SPMIP6: variants seen among roughly 807,000 people sequenced by gnomAD.
SPMIP6 encodes the protein ciliated bronchial epithelial protein 1.
the SPMIP6 span, among the ~76,000 whole-genome samples, chr9:34,382,510 A>G: frequency 6.6e-6 from 1 of 152,044 alleles, no homozygotes; most frequent in South Asian, 2.1e-4. Flanking sequence ...GCTTGAACCC[A>G]GGAGGCAGAG....
the SPMIP6 span, chr9:34,382,622 C>A: frequency 1.5e-6 from 1 of 676,376 alleles, no homozygotes; most frequent in South Asian, 1.7e-5. Flanking sequence ...TTCACAGATG[C>A]GGAAGAGCTC....
chr9:34,388,922 C>G, the SPMIP6 span, among the ~76,000 whole-genome samples: 8 of 114,942 alleles, frequency 7.0e-5, no homozygotes, highest in Admixed American at 7.9e-4. Flanking sequence ...CATTTCTTTC[C>G]TCTCTCTTTC....
the SPMIP6 span, chr9:34,380,585 G>C: frequency 7.1e-7 from 1 of 1,414,938 alleles, no homozygotes; most frequent in Non-Finnish European, 9.3e-7. Flanking sequence ...TGATGTGCGG[G>C]GTTTCTTCCT....
At chr9:34,394,840 C>T in the SPMIP6 span, among the ~76,000 whole-genome samples, 1 of 152,178 alleles carries the variant, frequency 6.6e-6, no homozygotes, top group Admixed American at 6.5e-5. Context: ...TACCACTCAT[C>T]TCCATGAGAC....
At chr9:34,379,131 T>C in the SPMIP6 span, 33 of 1,613,866 alleles carry the variant, frequency 2.0e-5, no homozygotes, top group East Asian at 5.1e-4. This position sits in a 1 kb window ranked among gnomAD's most constrained non-coding sequence, Gnocchi z 4.2. Flanking sequence ...ATGGATAACA[T>C]AGTTGTTTCT....
chr9:34,379,149 C>T, the SPMIP6 span: 1 of 1,613,558 alleles, frequency 6.2e-7, no homozygotes, highest in South Asian at 1.1e-5. This position sits in a 1 kb window ranked among gnomAD's most constrained non-coding sequence, Gnocchi z 4.2. Flanking sequence ...TCTCTGGGGA[C>T]CACCAGACTT....
chr9:34,379,331 G>A, the SPMIP6 span: 1 of 642,644 alleles, frequency 1.6e-6, no homozygotes, highest in Non-Finnish European at 2.8e-6. This position sits in a 1 kb window ranked among gnomAD's most constrained non-coding sequence, Gnocchi z 4.2. Flanking sequence ...AGGTTCTACT[G>A]TTAAGTTGCT....
chr9:34,394,736 C>CTCTA, the SPMIP6 span, among the ~76,000 whole-genome samples: 1 of 152,124 alleles, frequency 6.6e-6, no homozygotes, highest in Non-Finnish European at 1.5e-5. Context: ...GATTTAATTC[C>CTCTA]TCTATCTTTC....
chr9:34,382,769 A>T, the SPMIP6 span: 200 of 1,613,580 alleles, frequency 1.2e-4, 1 homozygote, highest in Non-Finnish European at 1.6e-4. Flanking sequence ...GCAGCCGAGG[A>T]AGGTAGGTGG....
At chr9:34,394,139 T>A in the SPMIP6 span, among the ~76,000 whole-genome samples, 5 of 152,256 alleles carry the variant, frequency 3.3e-5, no homozygotes, top group Middle Eastern at 3.4e-3. Context: ...TTCACATTTT[T>A]AAAAAATCAT....
the SPMIP6 span, chr9:34,379,530 GCCTGTCAGTGCA>G: frequency 1.1e-6 from 1 of 907,638 alleles, no homozygotes; most frequent in Non-Finnish European, 1.8e-6. The surrounding 1 kb of genome is among the most constrained non-coding windows in gnomAD (Gnocchi z 4.2). Context: ...CGTGGTATGT[GCCTGTCAGTGCA>G]CCGCGGAGCG....
chr9:34,385,564 TAGAG>T, the SPMIP6 span: 1 of 659,558 alleles, frequency 1.5e-6, no homozygotes, highest in Non-Finnish European at 2.4e-6. Context: ...AAAAAAAGGA[TAGAG>T]GTCACGATCC....
the SPMIP6 span, among the ~76,000 whole-genome samples, chr9:34,397,170 C>T: frequency 6.6e-6 from 1 of 152,160 alleles, no homozygotes; most frequent in East Asian, 1.9e-4. Context: ...TTTATTGTCA[C>T]CTTGAGAGAG....
chr9:34,392,469 G>A, the SPMIP6 span, among the ~76,000 whole-genome samples: 2 of 145,030 alleles, frequency 1.4e-5, no homozygotes, highest in South Asian at 2.1e-4. The surrounding 1 kb of genome is among the most constrained non-coding windows in gnomAD (Gnocchi z 4.6). Flanking sequence ...GTGTGTGTGT[G>A]TGTGTGTTTA....
the SPMIP6 span, chr9:34,379,120 G>T: frequency 6.2e-7 from 1 of 1,613,774 alleles, no homozygotes; most frequent in Non-Finnish European, 8.5e-7. This position sits in a 1 kb window ranked among gnomAD's most constrained non-coding sequence, Gnocchi z 4.2. Flanking sequence ...ACAAACTCAG[G>T]ATGGATAACA....
the SPMIP6 span, chr9:34,382,879 A>G: frequency 6.5e-7 from 1 of 1,545,648 alleles, no homozygotes; most frequent in Non-Finnish European, 8.9e-7. Flanking sequence ...GCTGGATAAT[A>G]GGGGTGGAGA....
chr9:34,396,458 C>T, the SPMIP6 span, among the ~76,000 whole-genome samples: 10 of 152,182 alleles, frequency 6.6e-5, no homozygotes, highest in Non-Finnish European at 1.5e-4. Flanking sequence ...CCTGCAATTC[C>T]CTGACACTGT....
At chr9:34,384,975 G>A in the SPMIP6 span, among the ~76,000 whole-genome samples, 1 of 152,112 alleles carries the variant, frequency 6.6e-6, no homozygotes, top group Non-Finnish European at 1.5e-5. Context: ...GGAGGGAGCT[G>A]ATGGGAGCAG....
the SPMIP6 span, among the ~76,000 whole-genome samples, chr9:34,387,564 G>A: frequency 6.6e-6 from 1 of 152,034 alleles, no homozygotes; most frequent in African/African-American, 2.4e-5. Context: ...GCACATATAG[G>A]TGTATATTCA....
Sources: allele counts gnomAD v4.1 joint callset (sites outside exome capture counted in the v4.1 genomes callset), GRCh38; gene constraint gnomAD v4.1.1; non-coding constraint Gnocchi (gnomAD v3.1); transcripts MANE v1.5; gene names NCBI Gene and HGNC (gene_info 2026-07-23, HGNC 2026-07-21).